XKR9: variants seen among roughly 807,000 people sequenced by gnomAD.
XKR9 encodes the protein XK-related protein 9.
A neutral mutation model predicts 32.0 loss-of-function variants in XKR9; 32 were observed. That is an observed-to-expected ratio of 1.00 (90% confidence interval 0.76 to 1.34). The LOEUF is 1.34. Among genes scored for constraint, XKR9 ranks in the 40% most tolerant of loss-of-function variants. The pLI, the probability that XKR9 is intolerant of heterozygous loss-of-function variation, is 0.00. For missense variants in XKR9, 546 were observed against 429.7 expected, an observed-to-expected ratio of 1.27 and a Z score of -2.39; for synonymous variants, 168 against 143.4, an observed-to-expected ratio of 1.17 and a Z score of -1.22.
chr8:70,859,704 G>T, the XKR9 span, among the ~76,000 whole-genome samples: 2 of 152,096 alleles, frequency 1.3e-5, no homozygotes, highest in Non-Finnish European at 2.9e-5. Flanking sequence ...GATTGAACTG[G>T]AGGTCATTAT....
At chr8:70,694,639 A>T (rs1034607373) in intron 3 of XKR9, among the ~76,000 whole-genome samples, 3 of 152,230 alleles carry the variant, frequency 2.0e-5, no homozygotes, top group African/African-American at 7.2e-5. Flanking sequence ...CTGAATAGCA[A>T]AGATGGCAGC....
intron 2 of XKR9, among the ~76,000 whole-genome samples, chr8:70,759,037 G>A (rs1193247486): frequency 1.3e-5 from 2 of 152,154 alleles, no homozygotes; most frequent in African/African-American, 4.8e-5. Context: ...TTATGCAAAT[G>A]ACTATTTTAA....
the XKR9 span, among the ~76,000 whole-genome samples, chr8:70,863,578 G>A: frequency 6.6e-6 from 1 of 152,130 alleles, no homozygotes; most frequent in Admixed American, 6.6e-5. Flanking sequence ...CTGTTGAAAT[G>A]TTTCAAGCAA....
chr8:70,766,107 TG>T (rs1807372154), intron 2 of XKR9, among the ~76,000 whole-genome samples: 2 of 152,192 alleles, frequency 1.3e-5, no homozygotes, highest in South Asian at 4.1e-4. Context: ...TGGTTCCATA[TG>T]AGACTTAAAG....
At chr8:70,980,443 A>G in the XKR9 span, among the ~76,000 whole-genome samples, 1 of 152,232 alleles carries the variant, frequency 6.6e-6, no homozygotes, top group Non-Finnish European at 1.5e-5. Flanking sequence ...CTGATATAAG[A>G]ATAGCTACTT....
the XKR9 span, among the ~76,000 whole-genome samples, chr8:70,819,416 C>T: frequency 6.6e-6 from 1 of 152,208 alleles, no homozygotes; most frequent in East Asian, 1.9e-4. Context: ...TTTCCATTCT[C>T]TCCTTGAGGG....
At chr8:71,024,212 G>A in the XKR9 span, among the ~76,000 whole-genome samples, 1 of 152,210 alleles carries the variant, frequency 6.6e-6, no homozygotes, top group African/African-American at 2.4e-5. Context: ...TTCAGCTGCT[G>A]GTGGGAGCAG....
At chr8:71,029,268 A>G in the XKR9 span, among the ~76,000 whole-genome samples, 1 of 152,218 alleles carries the variant, frequency 6.6e-6, no homozygotes. Flanking sequence ...GATTAAATGG[A>G]ACAAATGTTT....
At chr8:70,864,216 A>G in the XKR9 span, among the ~76,000 whole-genome samples, 1 of 152,190 alleles carries the variant, frequency 6.6e-6, no homozygotes, top group Non-Finnish European at 1.5e-5. Context: ...AAATGTAAAC[A>G]ATTTCAACTT....
chr8:70,874,834 T>A, the XKR9 span, among the ~76,000 whole-genome samples: 1 of 152,214 alleles, frequency 6.6e-6, no homozygotes, highest in Non-Finnish European at 1.5e-5. Flanking sequence ...TGGGTATTAG[T>A]AGTTCAGGTT....
chr8:70,991,474 G>A, the XKR9 span, among the ~76,000 whole-genome samples: 1 of 152,186 alleles, frequency 6.6e-6, no homozygotes, highest in Non-Finnish European at 1.5e-5. Flanking sequence ...GCAATGTATT[G>A]TAAATTGTGT....
the XKR9 span, among the ~76,000 whole-genome samples, chr8:71,005,363 CAG>C: frequency 3.3e-5 from 5 of 151,662 alleles, no homozygotes; most frequent in Admixed American, 3.3e-4. Flanking sequence ...GCTGGGATTG[CAG>C]GTGCCCACCA....
At chr8:70,784,449 G>A (rs573706843) in intron 2 of XKR9, among the ~76,000 whole-genome samples, 14 of 150,954 alleles carry the variant, frequency 9.3e-5, no homozygotes, top group Admixed American at 2.6e-4. Context: ...TCCTTTTTTT[G>A]TACCTATTGT....
intron 2 of XKR9, among the ~76,000 whole-genome samples, chr8:70,760,800 A>C (rs889802804): frequency 6.6e-6 from 1 of 152,168 alleles, no homozygotes; most frequent in African/African-American, 2.4e-5. Context: ...TGTACAGATT[A>C]TTTAATCATC....
the XKR9 span, among the ~76,000 whole-genome samples, chr8:70,895,846 A>C: frequency 6.6e-5 from 10 of 151,710 alleles, no homozygotes; most frequent in African/African-American, 2.4e-4. Flanking sequence ...AAAGAAAAAA[A>C]AATTAGCCGG....
At chr8:70,724,849 G>T (rs1317666332) in intron 4 of XKR9, among the ~76,000 whole-genome samples, 4 of 152,026 alleles carry the variant, frequency 2.6e-5, no homozygotes, top group Non-Finnish European at 4.4e-5. Context: ...TTCTTTTTTT[G>T]GGTATCTTTA....
chr8:70,934,950 GA>G, the XKR9 span, among the ~76,000 whole-genome samples: 1 of 151,406 alleles, frequency 6.6e-6, no homozygotes, highest in Non-Finnish European at 1.5e-5. Context: ...AAAATGTTTT[GA>G]AATGTACTAA....
intron 2 of XKR9, among the ~76,000 whole-genome samples, chr8:70,759,074 C>A (rs1415089739): frequency 6.6e-6 from 1 of 152,178 alleles, no homozygotes; most frequent in African/African-American, 2.4e-5. Context: ...CCTTCTTTTT[C>A]ATGGCTGGTT....
the XKR9 span, among the ~76,000 whole-genome samples, chr8:71,065,513 A>C: frequency 6.6e-6 from 1 of 152,238 alleles, no homozygotes; most frequent in African/African-American, 2.4e-5. Context: ...CACCCAGGCT[A>C]TGGTATTTTG....
Sources: gnomAD v4.1 joint callset for allele counts (sites outside exome capture counted in the v4.1 genomes callset) on GRCh38, gnomAD v4.1.1 for gene constraint, MANE v1.5 for transcripts, NCBI Gene and HGNC (gene_info 2026-07-23, HGNC 2026-07-21) for gene names.